SLCO2A1: variants seen among roughly 807,000 people sequenced by gnomAD.
The protein encoded by SLCO2A1 is matrin F/G 1.
Under a neutral mutation model 71.7 loss-of-function variants are expected in SLCO2A1, and 60 were observed. The observed-to-expected ratio is 0.84, with a 90% confidence interval of 0.68 to 1.04. SLCO2A1 has a LOEUF of 1.04. Among genes scored for constraint, SLCO2A1 ranks in the 50% least tolerant of loss-of-function variants. The probability of loss-of-function intolerance (pLI) is 0.00; values close to 1 mark genes in which losing one functional copy is unlikely to be tolerated. For synonymous variants in SLCO2A1, 308 were observed against 326.7 expected (o/e 0.94, Z 0.62); for missense variants, 745 against 813.4 (o/e 0.92, Z 1.02).
At chr3:133,943,438 C>T (rs1195189902) in intron 10 of SLCO2A1, among the ~76,000 whole-genome samples, 1 of 152,210 alleles carries the variant, frequency 6.6e-6, no homozygotes, top group Non-Finnish European at 1.5e-5. Flanking sequence ...CAAGCAGTTA[C>T]AAGACTAATA....
intron 1 of SLCO2A1, among the ~76,000 whole-genome samples, chr3:134,005,726 C>A (rs1292364176): frequency 6.6e-6 from 1 of 152,098 alleles, no homozygotes; most frequent in Non-Finnish European, 1.5e-5. Flanking sequence ...CGTGATCCAC[C>A]GGCCTCGGCC....
At chr3:134,026,107 T>C (rs1034002902) in intron 1 of SLCO2A1, among the ~76,000 whole-genome samples, 6 of 152,222 alleles carry the variant, frequency 3.9e-5, no homozygotes, top group African/African-American at 1.4e-4. Flanking sequence ...ACCCTGATAA[T>C]TTCTAGGTCC....
intron 1 of SLCO2A1, among the ~76,000 whole-genome samples, chr3:134,021,462 T>C (rs1048148157): frequency 2.0e-5 from 3 of 152,144 alleles, no homozygotes; most frequent in Admixed American, 6.5e-5. Context: ...GACCAGTTCC[T>C]GTACATAGAC....
rs532251104 is a variant in SLCO2A1 at position 134,027,363 on chromosome 3, C to T, written c.96+2344G>A. Reference sequence around the variant, plus strand: ...GGTTATGTTATCTATAGATTACAGACATTGTACAGAAAAGCACTGTGAAAA... The same window carrying T: ...GGTTATGTTATCTATAGATTACAGATATTGTACAGAAAAGCACTGTGAAAA... On this transcript the variant is annotated intron_variant, in intron 1 of 13. Transcript: ENST00000310926. 2.0e-5 allele frequency among the ~76,000 whole-genome samples: 3 copies of T among 152,334 alleles called. No individual in the cohort carries two copies. The East Asian group carries it at 5.8e-4, about 29-fold the overall frequency.
At chr3:133,967,779 C>T (rs924881113) in intron 3 of SLCO2A1, among the ~76,000 whole-genome samples, 53 of 151,320 alleles carry the variant, frequency 3.5e-4, no homozygotes, top group African/African-American at 1.2e-3. Flanking sequence ...CTCCAATCAC[C>T]TACCACCCCA....
In SLCO2A1 at chr3:134,029,809, G is replaced by A; in HGVS notation, c.-7C>T. The A allele has an allele frequency of 1.4e-6, 2 of 1,436,522 alleles. No homozygotes were observed. Among genetic ancestry groups the A allele is most frequent in the Non-Finnish European group, 1.8e-6 (2 of 1,097,602 alleles). 89.0% of individuals were successfully genotyped at this position (1,436,522 alleles called of 1,614,324 possible). A position where few individuals can be genotyped will look rare whatever the true frequency, so the allele number is the denominator to read the frequency against. ...GCTTGGGCAGGAGCCCCATGGCTGC[G>A]GGCGGCTGGCCGGGCGCGGAGTGGC... On this transcript the variant is annotated 5_prime_UTR_variant, in exon 1 of 14. Coordinates refer to ENST00000310926, the MANE Select transcript of SLCO2A1 (RefSeq NM_005630.3).
At position 133,933,524 on chromosome 3, in the gene SLCO2A1, C is replaced by T. The variant is rs533968448; in HGVS notation, c.*1189G>A. The T allele has an allele frequency of 6.9e-4, 105 of 152,390 alleles. 2 individuals carry two copies. The Middle Eastern group carries it at 0.01, about 15-fold the overall frequency. 9.4% of individuals were successfully genotyped at this position (152,390 alleles called of 1,614,324 possible). A position where few individuals can be genotyped will look rare whatever the true frequency, so the allele number is the denominator to read the frequency against. On this transcript the variant is annotated 3_prime_UTR_variant, in exon 14 of 14. Transcript: ENST00000310926. ...TCCTTCGTTGGCTTCTGTCTCTCAA[C>T]ATCTATCACGTAGCAGCTGTGTCTC...
intron 1 of SLCO2A1, among the ~76,000 whole-genome samples, chr3:134,011,871 G>T (rs1041054035): frequency 6.6e-6 from 1 of 152,182 alleles, no homozygotes; most frequent in Non-Finnish European, 1.5e-5. Flanking sequence ...GAGAGCTGGG[G>T]TGTGAGAACA....
chr3:134,022,975 C>T (rs1216551560), intron 1 of SLCO2A1, among the ~76,000 whole-genome samples: 1 of 152,180 alleles, frequency 6.6e-6, no homozygotes, highest in Non-Finnish European at 1.5e-5. Context: ...TCTTTTAGCA[C>T]ATGTACCACC....
At chr3:133,968,770 T>C (rs1934252862) in intron 3 of SLCO2A1, among the ~76,000 whole-genome samples, 1 of 152,190 alleles carries the variant, frequency 6.6e-6, no homozygotes, top group African/African-American at 2.4e-5. Flanking sequence ...CGTTGGCCAG[T>C]TTCCCATAGA....
At position 133,934,104 on chromosome 3, in the gene SLCO2A1, A is replaced by T. The variant is rs1355899739; in HGVS notation, c.*609T>A. ...ATGGGCAGAGACTGTACTTCCCAAC[A>T]TGGCAGCATCCAGAATGGCCTCTAG... On this transcript the variant is annotated 3_prime_UTR_variant, in exon 14 of 14. Transcript: ENST00000310926. 1 of 152,344 alleles carries T rather than the reference A, an allele frequency of 6.6e-6. No individual in the cohort carries two copies. Among genetic ancestry groups the T allele is most frequent in the Non-Finnish European group, 1.5e-5 (1 of 68,188 alleles). The allele number at this position is 152,344 out of a possible 1,614,324, so 9.4% of individuals were successfully genotyped here.
chr3:133,966,041 G>C (rs1934156528), intron 3 of SLCO2A1, among the ~76,000 whole-genome samples: 1 of 152,200 alleles, frequency 6.6e-6, no homozygotes, highest in Admixed American at 6.5e-5. Flanking sequence ...CCCCATTCTT[G>C]AGCTTCAGCT....
Position 134,003,207 on chromosome 3 carries a change from A to T in SLCO2A1, c.97-23589T>A, listed in dbSNP as rs953399522. Among the ~76,000 whole-genome samples, 7 of 152,216 alleles carry T rather than the reference A, an allele frequency of 4.6e-5. No individual in the cohort carries two copies. The East Asian group carries it at 1.3e-3, about 29-fold the overall frequency. On this transcript the variant is annotated intron_variant, in intron 1 of 13. Coordinates refer to ENST00000310926, the MANE Select transcript of SLCO2A1 (RefSeq NM_005630.3). ...TGAAATCATCAATAAGCATCTTTAG[A>T]TGAGGAAAGATTAGCTAAGCAAACA...
chr3:133,943,543 T>C (rs1933488091), intron 10 of SLCO2A1, among the ~76,000 whole-genome samples: 1 of 152,258 alleles, frequency 6.6e-6, no homozygotes, highest in African/African-American at 2.4e-5. Context: ...GTTAGTTATA[T>C]AAAATATTGC....
chr3:134,022,432 T>C (rs1211492850), intron 1 of SLCO2A1, among the ~76,000 whole-genome samples: 2 of 152,170 alleles, frequency 1.3e-5, no homozygotes, highest in African/African-American at 4.8e-5. Flanking sequence ...AAAAAATTAT[T>C]GTTTTGAAGG....
At chr3:133,990,102 T>C (rs1042601575) in intron 1 of SLCO2A1, among the ~76,000 whole-genome samples, 1 of 152,264 alleles carries the variant, frequency 6.6e-6, no homozygotes, top group African/African-American at 2.4e-5. Context: ...CAATTCTAAA[T>C]CTGTTGCCTC....
In SLCO2A1 at chr3:133,945,121, T is replaced by A. The variant is rs1440930338; in HGVS notation, c.1435A>T (p.Met479Leu). ...PCHAGCSNINMSSATSKQLIY... is the reference protein window; with the variant it reads ...PCHAGCSNINLSSATSKQLIY... ...AGTTGCTTGGAGGTTGCAGAGCTCA[T>A]GTTGATGTTGCTGCAGCCGGCATGG... is the stretch of plus-strand genomic sequence containing the variant. The change falls in exon 10 of 14, where the codon ATG (methionine) becomes TTG (leucine). Residue 479 changes from methionine (M) to leucine (L), a missense_variant. Transcript: ENST00000310926. The A allele has an allele frequency of 6.2e-7, 1 of 1,613,800 alleles. No individual in the cohort carries two copies. Among genetic ancestry groups the A allele is most frequent in the Non-Finnish European group, 8.5e-7 (1 of 1,179,816 alleles).
At chr3:134,004,718 T>C (rs1474321550) in intron 1 of SLCO2A1, among the ~76,000 whole-genome samples, 1 of 152,102 alleles carries the variant, frequency 6.6e-6, no homozygotes, top group Non-Finnish European at 1.5e-5. Flanking sequence ...CATGCTAGTT[T>C]TGAGGATGGA....
intron 3 of SLCO2A1, among the ~76,000 whole-genome samples, chr3:133,957,691 G>C (rs1204146226): frequency 6.6e-6 from 1 of 152,188 alleles, no homozygotes; most frequent in African/African-American, 2.4e-5. Flanking sequence ...GGGGCTGGCT[G>C]CTGGGATGTG....
Sources: allele counts gnomAD v4.1 joint callset (sites outside exome capture counted in the v4.1 genomes callset), GRCh38; gene constraint gnomAD v4.1.1; transcripts MANE v1.5; gene names NCBI Gene and HGNC (gene_info 2026-07-23, HGNC 2026-07-21).